SMC1B: variants seen among roughly 807,000 people sequenced by gnomAD.
SMC1B encodes the protein structural maintenance of chromosomes 1B, also known as structural maintenance of chromosomes protein 1B.
Under a neutral mutation model 157.9 loss-of-function variants are expected in SMC1B, and 60 were observed. The observed-to-expected ratio is 0.38, with a 90% CI of 0.31 to 0.47. SMC1B has a LOEUF of 0.47. Among genes scored for constraint, SMC1B ranks in the 20% least tolerant of loss-of-function variants. SMC1B has a pLI of 0.99. For missense variants in SMC1B, 1,165 were observed against 1,426.2 expected (o/e 0.82, Z 2.95); for synonymous variants, 445 against 483.0 (o/e 0.92, Z 1.03).
intron 1 of SMC1B, among the ~76,000 whole-genome samples, chr22:45,412,801 GGA>G (rs2087359955): frequency 1.3e-5 from 2 of 152,106 alleles, no homozygotes; most frequent in Non-Finnish European, 2.9e-5. Context: ...CAGGAACTTA[GGA>G]AAAGCTCAGT....
At chr22:45,383,730 C>G in intron 11 of SMC1B, 117 bp from the exon 12 acceptor site, 1 of 789,118 alleles carries the variant, frequency 1.3e-6, no homozygotes, top group Non-Finnish European at 1.9e-6. Context: ...ACTTACTGAA[C>G]TTTACTAATA....
intron 11 of SMC1B, among the ~76,000 whole-genome samples, chr22:45,384,722 A>T (rs1002663741): frequency 8.6e-5 from 13 of 151,376 alleles, no homozygotes; most frequent in African/African-American, 3.1e-4. Context: ...TCCATTTCAA[A>T]AAAAAAAAAA....
At chr22:45,358,304 T>C (rs2086688655) in intron 19 of SMC1B, among the ~76,000 whole-genome samples, 1 of 152,060 alleles carries the variant, frequency 6.6e-6, no homozygotes, top group South Asian at 2.1e-4. Context: ...GTGGAAGGAG[T>C]TGTGAAAACT....
Position 45,406,668 on chromosome 22 carries a change from T to TA in SMC1B, c.412-6dup. ...TGAAATTGACTCTACAGTTCCCTTT[T>TA]AAAAACAGTAATGCACATCAACATA... On this transcript the variant is annotated splice_region_variant and splice_polypyrimidine_tract_variant and intron_variant, in intron 3 of 24. Coordinates refer to ENST00000357450, the MANE Select transcript of SMC1B (RefSeq NM_148674.5). 3.1e-6 allele frequency: 5 copies of TA among 1,604,844 alleles called. No homozygotes were observed. Among genetic ancestry groups the TA allele is most frequent in the Non-Finnish European group, 4.2e-6 (5 of 1,177,084 alleles).
At position 45,354,022 on chromosome 22, in the gene SMC1B, T is replaced by A; in HGVS notation, c.3229A>T (p.Ile1077Phe). ...CAGAGCTTCTTGTAGATTTGATCAA[T>A]TGAGATTGAGACATGCTCAAAACAC... ...TQCFEHVSIS[I>F]DQIYKKLCRN... The change falls in exon 21 of 25, where the codon ATT becomes TTT. Residue 1077 changes from isoleucine to phenylalanine, a missense_variant. Ile to Phe is a conservative substitution (Grantham distance 21). Transcript: ENST00000357450. 1 of 1,597,592 alleles carries A rather than the reference T, an allele frequency of 6.3e-7. No homozygotes were observed. The highest frequency in any genetic ancestry group is 8.5e-7 in the Non-Finnish European group (1 of 1,174,234).
chr22:45,353,965 G>T lies in SMC1B; in HGVS notation c.3273+13C>A. On this transcript the variant is annotated intron_variant, in intron 21 of 24. Transcript: ENST00000357450. ...AGAATTCTCACTAGTATTTGAGGAT[G>T]AAAGATACATACTTGGGCGCTGTTG... 1 of 1,341,622 alleles carries T rather than the reference G, an allele frequency of 7.5e-7. No homozygotes were observed. Among genetic ancestry groups the T allele is most frequent in the South Asian group, 1.3e-5 (1 of 76,574 alleles). The allele number at this position is 1,341,622 out of a possible 1,614,324, so 83.1% of individuals were successfully genotyped here.
chr22:45,377,140 A>T (rs1400345450), intron 12 of SMC1B, among the ~76,000 whole-genome samples: 1 of 152,186 alleles, frequency 6.6e-6, no homozygotes, highest in Non-Finnish European at 1.5e-5. Context: ...CAGATTATCA[A>T]TTTTTAAAAC....
At position 45,344,406 on chromosome 22, in the gene SMC1B, G is replaced by A; in HGVS notation, c.*150C>T. On this transcript the variant is annotated 3_prime_UTR_variant, in exon 25 of 25. Coordinates refer to ENST00000357450, the MANE Select transcript of SMC1B (RefSeq NM_148674.5). The stretch of plus-strand genomic sequence containing the variant: ...AGGTCTGAACACTCAACTAAAGTGA[G>A]CCACAGCCTCTTTGGCTAGAACGAC... 1.8e-6 allele frequency: 1 copy of A among 555,064 alleles called. No individual in the cohort carries two copies. Among genetic ancestry groups the A allele is most frequent in the Non-Finnish European group, 3.2e-6 (1 of 307,742 alleles). The allele number at this position is 555,064 out of a possible 1,614,324, so 34.4% of individuals were successfully genotyped here.
At chr22:45,384,231 T>C (rs997022898) in intron 11 of SMC1B, among the ~76,000 whole-genome samples, 4 of 152,268 alleles carry the variant, frequency 2.6e-5, no homozygotes, top group Admixed American at 6.5e-5. Flanking sequence ...CACTATATTA[T>C]TGTTCTTTTC....
intron 12 of SMC1B, among the ~76,000 whole-genome samples, chr22:45,381,589 G>A (rs781115463): frequency 1.9e-4 from 29 of 152,148 alleles, no homozygotes; most frequent in Admixed American, 1.3e-4. Flanking sequence ...AAGAGACGAA[G>A]CCCTATATCA....
intron 13 of SMC1B, 125 bp downstream of exon 13, chr22:45,372,030 G>C: frequency 1.3e-6 from 1 of 758,050 alleles, no homozygotes. Flanking sequence ...GTGACAGAGT[G>C]AGAGACTCTG....
At chr22:45,367,482 C>CTG (rs988256084) in intron 15 of SMC1B, among the ~76,000 whole-genome samples, 11 of 152,196 alleles carry the variant, frequency 7.2e-5, no homozygotes, top group Admixed American at 6.5e-4. Flanking sequence ...GAACCTACCT[C>CTG]TGTGTGGTGT....
At chr22:45,349,818 AG>A (rs778946320) in intron 22 of SMC1B, 21 bp from the exon 23 acceptor site, 34 of 1,570,144 alleles carry the variant, frequency 2.2e-5, no homozygotes, top group African/African-American at 2.7e-5. Context: ...ATTACAATCA[AG>A]TAAGTTACAA....
intron 23 of SMC1B, among the ~76,000 whole-genome samples, chr22:45,347,736 G>T (rs1006912749): frequency 3.3e-5 from 5 of 152,192 alleles, no homozygotes; most frequent in African/African-American, 1.2e-4. Context: ...TTACAGGCAT[G>T]AGCCATCACG....
intron 11 of SMC1B, among the ~76,000 whole-genome samples, chr22:45,384,795 A>G (rs1412256960): frequency 6.6e-6 from 1 of 151,904 alleles, no homozygotes; most frequent in Non-Finnish European, 1.5e-5. Context: ...TTAAATTAAT[A>G]TTTCTAATTC....
At chr22:45,397,986 TCTGCCCTCTGCTGGCAGAGGGCAG>T (rs2087145072) in intron 6 of SMC1B, among the ~76,000 whole-genome samples, 3 of 152,182 alleles carry the variant, frequency 2.0e-5, no homozygotes, top group Non-Finnish European at 4.4e-5. Context: ...ACTGTGGCCC[TCTGCCCTCTGCTGGCAGAGGGCAG>T]CTGCCCCACA....
chr22:45,352,429 T>G lies in SMC1B; in HGVS notation c.3425+22A>C. Reference sequence around the variant, plus strand: ...TTGGCTTCTGCCCTGATATGAAAACTGAATAGCTTTTGTGACCTTACCTGT... The same window carrying G: ...TTGGCTTCTGCCCTGATATGAAAACGGAATAGCTTTTGTGACCTTACCTGT... On this transcript the variant is annotated intron_variant, in intron 22 of 24. Coordinates refer to ENST00000357450, the MANE Select transcript of SMC1B (RefSeq NM_148674.5). 1.9e-6 allele frequency: 3 copies of G among 1,602,750 alleles called. No homozygotes were observed. The South Asian group carries it at 3.3e-5, about 18-fold the overall frequency.
At chr22:45,398,387 C>T (rs932765667) in intron 6 of SMC1B, among the ~76,000 whole-genome samples, 2 of 152,188 alleles carry the variant, frequency 1.3e-5, no homozygotes, top group African/African-American at 4.8e-5. Context: ...AGTGAGCAGT[C>T]GTGGCAGCTG....
chr22:45,347,848 C>T (rs1474236929), intron 23 of SMC1B, among the ~76,000 whole-genome samples: 1 of 152,182 alleles, frequency 6.6e-6, no homozygotes, highest in African/African-American at 2.4e-5. Context: ...AAAGCCTGGT[C>T]ATTTCTAGAA....
Sources: allele counts gnomAD v4.1 joint callset (sites outside exome capture counted in the v4.1 genomes callset), GRCh38; gene constraint gnomAD v4.1.1; transcripts MANE v1.5; gene names NCBI Gene and HGNC (gene_info 2026-07-23, HGNC 2026-07-21).